SUGCT: variants seen among roughly 807,000 people sequenced by gnomAD.
The protein encoded by SUGCT is succinyl-CoA:glutarate-CoA transferase, also known as succinyl-CoA:glutarate CoA-transferase.
SUGCT carries 41 observed loss-of-function variants against 55.0 expected under a neutral mutation model. That is an observed-to-expected ratio of 0.74 (90% CI 0.58 to 0.97). The LOEUF is 0.97. SUGCT is among the 50% of genes least tolerant of loss of function. The pLI is 0.00. For missense variants in SUGCT, 568 were observed against 547.8 expected (o/e 1.04, Z -0.37); for synonymous variants, 187 against 200.4 (o/e 0.93, Z 0.56).
At chr7:40,768,536 C>T (rs925444112) in intron 13 of SUGCT, among the ~76,000 whole-genome samples, 1 of 152,038 alleles carries the variant, frequency 6.6e-6, no homozygotes, top group Non-Finnish European at 1.5e-5. Flanking sequence ...TAAACAGCAC[C>T]GAGACCCACT....
At chr7:40,898,541 G>A in the SUGCT span, among the ~76,000 whole-genome samples, 2 of 135,040 alleles carry the variant, frequency 1.5e-5, no homozygotes, top group Non-Finnish European at 3.1e-5. Flanking sequence ...CGCTAACACA[G>A]TGAAACCCCA....
chr7:40,521,028 A>G (rs1019402152), intron 12 of SUGCT, among the ~76,000 whole-genome samples: 4 of 152,166 alleles, frequency 2.6e-5, no homozygotes, highest in African/African-American at 4.8e-5. Flanking sequence ...ACACTGGGGA[A>G]TACAGGTGAA....
intron 5 of SUGCT, among the ~76,000 whole-genome samples, chr7:40,193,720 T>A (rs1234989415): frequency 1.3e-5 from 2 of 151,792 alleles, no homozygotes; most frequent in Non-Finnish European, 2.9e-5. Context: ...TGTCTCAGCC[T>A]CCCGAGTAGC....
the SUGCT span, among the ~76,000 whole-genome samples, chr7:40,884,470 T>C: frequency 6.6e-6 from 1 of 152,302 alleles, no homozygotes; most frequent in East Asian, 1.9e-4. Flanking sequence ...TGCTGTGGGC[T>C]CTCTGGATGC....
chr7:40,904,316 A>G, the SUGCT span, among the ~76,000 whole-genome samples: 1 of 152,178 alleles, frequency 6.6e-6, no homozygotes, highest in Admixed American at 6.5e-5. Context: ...TGCCTCATGG[A>G]GGCAGGTCTC....
chr7:40,179,477 G>T (rs1272566620), intron 1 of SUGCT, among the ~76,000 whole-genome samples: 1 of 152,020 alleles, frequency 6.6e-6, no homozygotes, highest in Admixed American at 6.6e-5. Context: ...ATTTTTAGTG[G>T]AGACAGGGTT....
intron 12 of SUGCT, among the ~76,000 whole-genome samples, chr7:40,710,135 C>T (rs1025836321): frequency 1.3e-5 from 2 of 152,198 alleles, no homozygotes; most frequent in African/African-American, 4.8e-5. Context: ...AGATATTGCT[C>T]CTCTTTTCAA....
At chr7:40,683,115 A>C (rs1053183156) in intron 12 of SUGCT, among the ~76,000 whole-genome samples, 1 of 152,202 alleles carries the variant, frequency 6.6e-6, no homozygotes. Flanking sequence ...TGCTTAAAAA[A>C]AAAGTAACCT....
chr7:40,879,098 T>C, the SUGCT span, among the ~76,000 whole-genome samples: 1 of 152,148 alleles, frequency 6.6e-6, no homozygotes, highest in Non-Finnish European at 1.5e-5. Flanking sequence ...AGCCCCTCAA[T>C]CTTACTTTCT....
At chr7:40,802,030 T>C (rs1163461980) in intron 13 of SUGCT, among the ~76,000 whole-genome samples, 1 of 150,710 alleles carries the variant, frequency 6.6e-6, no homozygotes, top group East Asian at 2.0e-4. Context: ...CTATTTCCTA[T>C]GATGTGAATT....
chr7:40,209,001 C>T (rs1787177268), intron 6 of SUGCT, among the ~76,000 whole-genome samples: 1 of 152,032 alleles, frequency 6.6e-6, no homozygotes, highest in Non-Finnish European at 1.5e-5. Context: ...AATTCTATTC[C>T]ATACACATCT....
chr7:40,864,955 A>G (rs1190100769), downstream of SUGCT, among the ~76,000 whole-genome samples: 1 of 152,112 alleles, frequency 6.6e-6, no homozygotes, highest in Non-Finnish European at 1.5e-5. Flanking sequence ...TTAAAAGTGC[A>G]GGACAGGAAA....
intron 12 of SUGCT, among the ~76,000 whole-genome samples, chr7:40,593,702 A>G (rs1020635576): frequency 2.0e-5 from 3 of 152,022 alleles, no homozygotes; most frequent in Admixed American, 2.0e-4. Flanking sequence ...TAGTCAGTGC[A>G]GTGGTACACT....
At chr7:40,325,198 C>T (rs1450020828) in intron 9 of SUGCT, among the ~76,000 whole-genome samples, 3 of 150,072 alleles carry the variant, frequency 2.0e-5, no homozygotes, top group African/African-American at 7.4e-5. Context: ...CATTGGGAAT[C>T]TTTTTCTTTT....
intron 6 of SUGCT, among the ~76,000 whole-genome samples, chr7:40,214,142 G>A (rs894850061): frequency 3.3e-5 from 5 of 152,058 alleles, no homozygotes; most frequent in South Asian, 2.1e-4. Context: ...TGACAAGTTC[G>A]CATTCAAAGA....
intron 6 of SUGCT, among the ~76,000 whole-genome samples, chr7:40,214,314 T>A (rs1787503111): frequency 6.6e-6 from 1 of 152,228 alleles, no homozygotes; most frequent in Non-Finnish European, 1.5e-5. Context: ...ATGATAGCAA[T>A]GACTGAATAT....
chr7:40,574,346 T>G (rs936038295), intron 12 of SUGCT, among the ~76,000 whole-genome samples: 4 of 152,228 alleles, frequency 2.6e-5, no homozygotes, highest in African/African-American at 9.7e-5. Context: ...AACTTAAGAC[T>G]GTTTTAACCT....
At chr7:40,251,598 C>T (rs1790410268) in intron 7 of SUGCT, among the ~76,000 whole-genome samples, 1 of 152,202 alleles carries the variant, frequency 6.6e-6, no homozygotes, top group Non-Finnish European at 1.5e-5. Flanking sequence ...GTCCCACTCC[C>T]ACATGAAGGT....
intron 9 of SUGCT, among the ~76,000 whole-genome samples, chr7:40,442,338 G>T (rs1261560744): frequency 1.3e-5 from 2 of 152,072 alleles, no homozygotes; most frequent in African/African-American, 4.8e-5. Context: ...GAGTCAGTTA[G>T]GTTAGATTTC....
Sources: allele counts gnomAD v4.1 joint callset (sites outside exome capture counted in the v4.1 genomes callset), GRCh38; gene constraint gnomAD v4.1.1; transcripts MANE v1.5; gene names NCBI Gene and HGNC (gene_info 2026-07-23, HGNC 2026-07-21).